Variants in MYT1 observed in about 807,000 individuals in gnomAD.
MYT1 encodes myelin transcription factor 1.
MYT1 carries 23 observed loss-of-function variants against 123.0 expected under a neutral mutation model. The ratio of observed to expected loss-of-function variants is 0.19; its 90% CI spans 0.13 to 0.26. The LOEUF (loss-of-function observed/expected upper bound fraction) is 0.26. MYT1 is among the 10% of genes least tolerant of loss of function. The pLI is 1.00. For missense variants in MYT1, 1,125 were observed against 1,472.5 expected (o/e 0.76, Z 3.86); for synonymous variants, 518 against 575.3 (o/e 0.90, Z 1.43).
Position 64,217,051 on chromosome 20 carries a change from C to G in MYT1, c.1632-16C>G, listed in dbSNP as rs1444739797. ...GTCCCATCTCACTGGCTGTGCATCC[C>G]TGTACTGCACCCCAGGCCCATGTGC... On this transcript the variant is annotated splice_polypyrimidine_tract_variant and intron_variant, in intron 10 of 22. Coordinates refer to ENST00000328439, the MANE Select transcript of MYT1 (RefSeq NM_004535.3). The G allele has an allele frequency of 6.2e-7, 1 of 1,610,444 alleles. No homozygotes were observed. The highest frequency in any genetic ancestry group is 8.5e-7 in the Non-Finnish European group (1 of 1,178,350).
Position 64,195,400 on chromosome 20 carries a change from A to ATTTT in MYT1, c.1-3462_1-3461insTTTT, listed in dbSNP as rs1568704696. On this transcript the variant is annotated intron_variant, in intron 2 of 22. Transcript: ENST00000328439. ...TGTGTGTGTGTGTGTGTGTGTGTATACTTTTTTTTTTTTGAGACGGAGTCT... is the reference window on the plus strand; with the variant it reads ...TGTGTGTGTGTGTGTGTGTGTGTATATTTTCTTTTTTTTTTTTGAGACGGAGTCT... Among the ~76,000 whole-genome samples the ATTTT allele has an allele frequency of 1.5e-3, 12 of 7,826 alleles. 1 individual carries two copies. The highest frequency in any genetic ancestry group is 7.3e-3 in the South Asian group (2 of 274). The allele number at this position is 7,826 out of a possible 152,430, so 5.1% of individuals were successfully genotyped here. A position where few individuals can be genotyped will look rare whatever the true frequency, so the allele number is the denominator to read the frequency against.
chr20:64,240,802 C>A lies in MYT1; in HGVS notation c.*354C>A. ...GCAACCACAGTATTCCTTTGTCTGTCGAGGCTGGGAGGGTAGCCGTGAGCG... is the reference window on the plus strand; with the variant it reads ...GCAACCACAGTATTCCTTTGTCTGTAGAGGCTGGGAGGGTAGCCGTGAGCG... On this transcript the variant is annotated 3_prime_UTR_variant, in exon 23 of 23. Transcript: ENST00000328439. The A allele has an allele frequency of 4.8e-6, 1 of 207,756 alleles. No individual in the cohort carries two copies. The highest frequency in any genetic ancestry group is 1.3e-4 in the South Asian group (1 of 7,892). 12.9% of individuals were successfully genotyped at this position (207,756 alleles called of 1,614,324 possible).
rs1982122756 is a variant in MYT1, at chr20:64,167,673, C to T, written c.-99+2934C>T. ...TTGTTGCCTGTTCTCTTGTAGGAAC[C>T]TGGGCGGGAGAGTGGAGCAGGGTGC... On this transcript the variant is annotated intron_variant, in intron 1 of 22. Transcript: ENST00000328439. The surrounding 1 kb of genome is among the most constrained non-coding windows in gnomAD (Gnocchi z 6.3). 6.6e-6 allele frequency among the ~76,000 whole-genome samples: 1 copy of T among 152,156 alleles called. No individual in the cohort carries two copies.
chr20:64,205,223 C>A, intron 5 of MYT1, 126 bp downstream of exon 5: 1 of 1,143,286 alleles, frequency 8.7e-7, no homozygotes, highest in Non-Finnish European at 1.3e-6. Flanking sequence ...GACCCTTCTG[C>A]GAGGCAGCGA....
Position 64,213,493 on chromosome 20 carries a change from G to C in MYT1, c.1518-41G>C. 1.3e-6 allele frequency: 2 copies of C among 1,523,664 alleles called. No homozygotes were observed. Among genetic ancestry groups the C allele is most frequent in the Non-Finnish European group, 1.8e-6 (2 of 1,099,614 alleles). The allele number at this position is 1,523,664 out of a possible 1,614,324, so 94.4% of individuals were successfully genotyped here. A position where few individuals can be genotyped will look rare whatever the true frequency, so the allele number is the denominator to read the frequency against. The stretch of plus-strand genomic sequence containing the variant: ...CAGACACCCAGGACAGGACAGGCAT[G>C]GAGGGGAAGGCTCAGAAACCCCTCC... On this transcript the variant is annotated intron_variant, in intron 9 of 22. Coordinates refer to ENST00000328439, the MANE Select transcript of MYT1 (RefSeq NM_004535.3). The surrounding 1 kb of genome is among the most constrained non-coding windows in gnomAD (Gnocchi z 5.6).
intron 1 of MYT1, among the ~76,000 whole-genome samples, chr20:64,171,310 G>A (rs1302537705): frequency 2.0e-5 from 3 of 152,102 alleles, no homozygotes; most frequent in Admixed American, 2.0e-4. Flanking sequence ...CTGCTTCCTA[G>A]GTGCATCAGC....
intron 5 of MYT1, 60 bp downstream of exon 5, chr20:64,205,157 A>T: frequency 1.3e-6 from 2 of 1,573,348 alleles, no homozygotes; most frequent in Non-Finnish European, 1.7e-6. Flanking sequence ...GCCCCTGCCC[A>T]CTCTGCAGAT....
At chr20:64,194,792 C>T (rs1388087436) in intron 2 of MYT1, among the ~76,000 whole-genome samples, 2 of 152,216 alleles carry the variant, frequency 1.3e-5, no homozygotes, top group Non-Finnish European at 2.9e-5. Context: ...CGTTGGGCTT[C>T]ATGGAAAATC....
At position 64,202,654 on chromosome 20, in the gene MYT1, C is replaced by T. The variant is rs181598175; in HGVS notation, c.87-2381C>T. On this transcript the variant is annotated intron_variant, in intron 4 of 22. Transcript: ENST00000328439. This position sits in a 1 kb window ranked among gnomAD's most constrained non-coding sequence, Gnocchi z 5.0. The stretch of plus-strand genomic sequence containing the variant: ...AGGCTAGTAGCTGAAGCATGGGGCT[C>T]CAGGCTGGGATTCAGTTCCTCTCCT... Among the ~76,000 whole-genome samples, 6 of 152,260 alleles carry T rather than the reference C, an allele frequency of 3.9e-5. No homozygotes were observed. Among genetic ancestry groups the T allele is most frequent in the East Asian group, 1.9e-4 (1 of 5,172 alleles).
Position 64,187,892 on chromosome 20 carries a change from G to C in MYT1, c.-98-2171G>C, listed in dbSNP as rs562197221. 3.3e-5 allele frequency among the ~76,000 whole-genome samples: 5 copies of C among 152,318 alleles called. No homozygotes were observed. In the South Asian group the frequency reaches 1.0e-3, roughly 32 times the overall value. On this transcript the variant is annotated intron_variant, in intron 1 of 22. Transcript: ENST00000328439. ...AGGGGTATGGTGCACAGGTTTCACC[G>C]GGTGCCATTCTGCTCTTTTGCCCAG... is the stretch of plus-strand genomic sequence containing the variant.
chr20:64,210,817 T>A (rs1327659436), intron 7 of MYT1, among the ~76,000 whole-genome samples: 1 of 152,280 alleles, frequency 6.6e-6, no homozygotes, highest in Non-Finnish European at 1.5e-5. Flanking sequence ...TTCCTCGTTT[T>A]GTCAAATCCC....
At position 64,236,165 on chromosome 20, in the gene MYT1, TGGCCGTGGTGGGTGACCCTGGGATGGCC is replaced by T. The variant is rs1984531579; in HGVS notation, c.2898-388_2898-361del. 1.5e-5 allele frequency among the ~76,000 whole-genome samples: 2 copies of T among 136,240 alleles called. 1 individual carries two copies. The highest frequency in any genetic ancestry group is 1.4e-4 in the Admixed American group (2 of 14,146). 89.4% of individuals were successfully genotyped at this position (136,240 alleles called of 152,430 possible). A position where few individuals can be genotyped will look rare whatever the true frequency, so the allele number is the denominator to read the frequency against. ...ATGGTCGCGGTGGGTGACCCTGGGC[TGGCCGTGGTGGGTGACCCTGGGATGGCC>T]GTGGTGGGTGACCCTGGGCTGGCTG... On this transcript the variant is annotated intron_variant, in intron 19 of 22. Coordinates refer to ENST00000328439, the MANE Select transcript of MYT1 (RefSeq NM_004535.3).
intron 19 of MYT1, among the ~76,000 whole-genome samples, chr20:64,235,407 A>G (rs1265077866): frequency 2.1e-4 from 22 of 106,222 alleles, no homozygotes; most frequent in East Asian, 1.0e-3. Context: ...TTGGCTGGCC[A>G]TGGTGGGTGA....
chr20:64,177,764 AG>A (rs1982513764), intron 1 of MYT1, among the ~76,000 whole-genome samples: 1 of 151,730 alleles, frequency 6.6e-6, no homozygotes, highest in Admixed American at 6.6e-5. Context: ...GTGTGGGCTG[AG>A]GGAGTCCTGT....
chr20:64,211,436 G>C, intron 8 of MYT1, 96 bp downstream of exon 8: 1 of 1,269,948 alleles, frequency 7.9e-7, no homozygotes. Flanking sequence ...GCCTGCCCAG[G>C]GCCATAACCT....
rs1400024894 is a variant in MYT1 at position 64,203,439 on chromosome 20, C to T, written c.87-1596C>T. On this transcript the variant is annotated intron_variant, in intron 4 of 22. Transcript: ENST00000328439. This position sits in a 1 kb window ranked among gnomAD's most constrained non-coding sequence, Gnocchi z 5.1. ...GGCAGGGAGAGGTGGGTGGCAGCGG[C>T]GGCAACTCCCTCAGTTTGGAAAGGG... Among the ~76,000 whole-genome samples, 2 of 152,272 alleles carry T rather than the reference C, an allele frequency of 1.3e-5. No homozygotes were observed. The highest frequency in any genetic ancestry group is 1.9e-4 in the East Asian group (1 of 5,182).
At position 64,207,917 on chromosome 20, in the gene MYT1, G is replaced by C; in HGVS notation, c.721G>C (p.Glu241Gln). ...CCAGGACCTGTGTCCCCAGTCCCTGGAGGATGCAGCCAGTGAGGAGTCCAG... is the reference window on the plus strand; with the variant it reads ...CCAGGACCTGTGTCCCCAGTCCCTGCAGGATGCAGCCAGTGAGGAGTCCAG... ...RSQDLCPQSL[E>Q]DAASEESSKQ... Residue 241 changes from glutamate to glutamine, a missense_variant, in exon 7 of 23, where the codon GAG becomes CAG. Coordinates refer to ENST00000328439, the MANE Select transcript of MYT1 (RefSeq NM_004535.3). The C allele has an allele frequency of 1.2e-6, 2 of 1,612,528 alleles. No homozygotes were observed. Among genetic ancestry groups the C allele is most frequent in the Non-Finnish European group, 1.7e-6 (2 of 1,179,530 alleles).
chr20:64,167,651 T>A lies in MYT1; in HGVS notation c.-99+2912T>A, dbSNP rs190501347. Among the ~76,000 whole-genome samples, 52 of 152,312 alleles carry A rather than the reference T, an allele frequency of 3.4e-4. No individual in the cohort carries two copies. Among genetic ancestry groups the A allele is most frequent in the African/African-American group, 1.2e-3 (50 of 41,574 alleles). ...GACACATCTCAGAGCCCCTCTTTTG[T>A]TGCCTGTTCTCTTGTAGGAACCTGG... On this transcript the variant is annotated intron_variant, in intron 1 of 22. Transcript: ENST00000328439. The surrounding 1 kb of genome is among the most constrained non-coding windows in gnomAD (Gnocchi z 6.3).
intron 3 of MYT1, 38 bp from the exon 4 acceptor site, chr20:64,199,854 A>G (rs201935947): frequency 1.6e-5 from 25 of 1,610,522 alleles, no homozygotes; most frequent in Middle Eastern, 3.3e-4. Flanking sequence ...TAAAATCACA[A>G]TTCCCACATG....
Sources: allele counts gnomAD v4.1 joint callset (sites outside exome capture counted in the v4.1 genomes callset), GRCh38; gene constraint gnomAD v4.1.1; non-coding constraint Gnocchi (gnomAD v3.1); transcripts MANE v1.5; gene names NCBI Gene and HGNC (gene_info 2026-07-23, HGNC 2026-07-21).